NAALADL2: variants seen among roughly 807,000 people sequenced by gnomAD.
The protein encoded by NAALADL2 is inactive N-acetylated-alpha-linked acidic dipeptidase-like protein 2.
A neutral mutation model predicts 87.2 loss-of-function variants in NAALADL2; 76 were observed. That is an observed-to-expected ratio of 0.87 (90% CI 0.72 to 1.05). NAALADL2 has a LOEUF of 1.05. Ranked by LOEUF, NAALADL2 falls within the 50% of genes least tolerant of loss-of-function variation. NAALADL2 has a pLI of 0.00. For synonymous variants in NAALADL2, 354 were observed against 331.0 expected, an observed-to-expected ratio of 1.07 and a Z score of -0.75; for missense variants, 1,089 against 945.8, an observed-to-expected ratio of 1.15 and a Z score of -1.99.
intron 1 of NAALADL2, among the ~76,000 whole-genome samples, chr3:174,865,214 T>A (rs1727004988): frequency 6.6e-6 from 1 of 151,958 alleles, no homozygotes; most frequent in Admixed American, 6.6e-5. Context: ...AGTTATAAAA[T>A]CCTACCAACT....
intron 1 of NAALADL2, among the ~76,000 whole-genome samples, chr3:174,980,454 C>A (rs910953000): frequency 5.3e-5 from 8 of 152,080 alleles, no homozygotes. Flanking sequence ...CTGCTATGAT[C>A]AAGCCTGTGA....
chr3:175,241,855 A>ATTTTTTTT (rs779567135), intron 3 of NAALADL2, among the ~76,000 whole-genome samples: 1,530 of 83,738 alleles, frequency 0.018, 293 homozygotes, highest in African/African-American at 0.042. Context: ...TGGATGCTGA[A>ATTTTTTTT]TTTTTTTTTT....
At chr3:175,176,341 T>G (rs2108953545) in intron 2 of NAALADL2, among the ~76,000 whole-genome samples, 1 of 152,274 alleles carries the variant, frequency 6.6e-6, no homozygotes, top group Non-Finnish European at 1.5e-5. Flanking sequence ...TAACCTTGAC[T>G]GATAGTTCTG....
chr3:175,050,673 A>G (rs968935407), intron 1 of NAALADL2, among the ~76,000 whole-genome samples: 1 of 152,190 alleles, frequency 6.6e-6, no homozygotes, highest in African/African-American at 2.4e-5. Flanking sequence ...TTAGTTGAGG[A>G]ATTACCATAC....
intron 2 of NAALADL2, among the ~76,000 whole-genome samples, chr3:174,556,615 T>C (rs1334917973): frequency 2.6e-5 from 4 of 152,210 alleles, no homozygotes; most frequent in African/African-American, 9.7e-5. Flanking sequence ...CTTATAGAAT[T>C]GTGTATTATT....
At chr3:174,532,371 C>G (rs1336141778) in intron 1 of NAALADL2, among the ~76,000 whole-genome samples, 1 of 152,106 alleles carries the variant, frequency 6.6e-6, no homozygotes. Flanking sequence ...ATTTCTAGCT[C>G]TGCCAAGTTC....
At chr3:175,579,215 CT>C (rs1425602556) in intron 10 of NAALADL2, among the ~76,000 whole-genome samples, 4 of 149,074 alleles carry the variant, frequency 2.7e-5, no homozygotes, top group East Asian at 1.9e-4. Context: ...ATCTATCTAT[CT>C]ATCTATCATC....
intron 3 of NAALADL2, among the ~76,000 whole-genome samples, chr3:174,787,613 A>ATATATATATATATATATATATG (rs1716952517): frequency 8.7e-6 from 1 of 115,554 alleles, no homozygotes; most frequent in Non-Finnish European, 1.9e-5. Context: ...ATATATATAT[A>ATATATATATATATATATATATG]TATATATAGT....
chr3:175,009,584 G>A (rs988100500), intron 1 of NAALADL2, among the ~76,000 whole-genome samples: 2 of 152,086 alleles, frequency 1.3e-5, no homozygotes, highest in Admixed American at 1.3e-4. Flanking sequence ...AAGTTAAAAT[G>A]ATATCTGCAG....
intron 5 of NAALADL2, among the ~76,000 whole-genome samples, chr3:175,433,911 G>A (rs1460758879): frequency 1.3e-5 from 2 of 151,908 alleles, no homozygotes; most frequent in Admixed American, 1.3e-4. Context: ...TGATGAATCT[G>A]TGTCTCATTA....
chr3:175,221,216 A>AG (rs10701610), intron 2 of NAALADL2, among the ~76,000 whole-genome samples: 4 of 149,892 alleles, frequency 2.7e-5, no homozygotes, highest in African/African-American at 9.8e-5. Flanking sequence ...AAAAAAAAAA[A>AG]GATTTTTTAG....
intron 12 of NAALADL2, among the ~76,000 whole-genome samples, chr3:175,753,372 TTTTA>T (rs1011845082): frequency 2.4e-4 from 36 of 152,308 alleles, no homozygotes; most frequent in African/African-American, 6.3e-4. Flanking sequence ...CTTTACATAA[TTTTA>T]TTTGTTATCA....
intron 2 of NAALADL2, among the ~76,000 whole-genome samples, chr3:174,720,150 A>G (rs1330230480): frequency 6.6e-6 from 1 of 152,188 alleles, no homozygotes; most frequent in East Asian, 1.9e-4. Context: ...TTTATGAAAG[A>G]CAATCCAGTT....
At chr3:175,046,810 C>T (rs896754969) in intron 1 of NAALADL2, among the ~76,000 whole-genome samples, 3 of 152,158 alleles carry the variant, frequency 2.0e-5, no homozygotes, top group Admixed American at 6.6e-5. Context: ...GCTCTGAAAA[C>T]CATCATCCCT....
At chr3:175,724,607 C>T (rs1742690253) in intron 11 of NAALADL2, among the ~76,000 whole-genome samples, 2 of 152,066 alleles carry the variant, frequency 1.3e-5, no homozygotes, top group Admixed American at 6.6e-5. Flanking sequence ...TAATTGCATA[C>T]AGTAAGGGTC....
intron 2 of NAALADL2, among the ~76,000 whole-genome samples, chr3:175,108,714 T>G (rs936029683): frequency 1.3e-5 from 2 of 151,974 alleles, no homozygotes; most frequent in Non-Finnish European, 2.9e-5. Context: ...ACATCAGATA[T>G]TCCCTTATTA....
At chr3:175,787,919 TATAA>T (rs1187757441) in intron 13 of NAALADL2, among the ~76,000 whole-genome samples, 1 of 152,138 alleles carries the variant, frequency 6.6e-6, no homozygotes, top group Non-Finnish European at 1.5e-5. Flanking sequence ...AACTTTATTT[TATAA>T]ATAAATTTAG....
At chr3:175,033,094 G>A (rs549853988) in intron 1 of NAALADL2, among the ~76,000 whole-genome samples, 5 of 151,932 alleles carry the variant, frequency 3.3e-5, no homozygotes, top group South Asian at 2.1e-4. Flanking sequence ...AAGCTCAAGC[G>A]GGGGATGGAA....
intron 2 of NAALADL2, among the ~76,000 whole-genome samples, chr3:175,137,607 CTT>C (rs66682761): frequency 0.46 from 61,138 of 134,258 alleles, 13,457 homozygotes; most frequent in East Asian, 0.59. Flanking sequence ...GAGATTGACC[CTT>C]TTTTTTTTTT....
Sources: allele counts gnomAD v4.1 joint callset (sites outside exome capture counted in the v4.1 genomes callset), GRCh38; gene constraint gnomAD v4.1.1; transcripts MANE v1.5; gene names NCBI Gene and HGNC (gene_info 2026-07-23, HGNC 2026-07-21).